The following ARL6IP6 variants were observed in gnomAD, a reference collection of about 807,000 sequenced individuals.
ARL6IP6 encodes the protein ARF like GTPase 6 interacting protein 6, also known as ADP-ribosylation factor-like protein 6-interacting protein 6.
Under a neutral mutation model 21.5 loss-of-function variants are expected in ARL6IP6, and 22 were observed. That is an observed-to-expected ratio of 1.02 (90% CI 0.73 to 1.46). ARL6IP6 has a LOEUF of 1.46. Ranked by LOEUF, ARL6IP6 falls within the 40% of genes most tolerant of loss-of-function variation. ARL6IP6 has a pLI of 0.00. For synonymous variants in ARL6IP6, 164 were observed against 125.3 expected (o/e 1.31, Z -2.06); for missense variants, 388 against 299.8 (o/e 1.29, Z -2.17).
intron 1 of ARL6IP6, 56 bp downstream of exon 1, chr2:152,719,080 G>A (rs1414055698): frequency 4.8e-6 from 7 of 1,457,268 alleles, no homozygotes; most frequent in Non-Finnish European, 6.3e-6. Context: ...CCAGGGTGTG[G>A]CTCTCGTCTC....
chr2:152,720,424 TTG>T (rs1448188990), intron 1 of ARL6IP6, 107 bp from the exon 2 acceptor site: 8 of 1,048,098 alleles, frequency 7.6e-6, no homozygotes, highest in Non-Finnish European at 1.2e-5. Context: ...ACCCAGTTCT[TTG>T]TGACTCCAGA....
chr2:152,726,441 C>A (rs560008945), intron 2 of ARL6IP6, among the ~76,000 whole-genome samples: 3 of 152,040 alleles, frequency 2.0e-5, no homozygotes, highest in Non-Finnish European at 4.4e-5. Flanking sequence ...TTGGCTTTGA[C>A]GTGTAAAGAG....
intron 3 of ARL6IP6, among the ~76,000 whole-genome samples, chr2:152,738,907 G>A (rs1700675171): frequency 6.6e-6 from 1 of 151,934 alleles, no homozygotes; most frequent in Admixed American, 6.6e-5. Flanking sequence ...CAAATTTTCT[G>A]AGCTTTTATG....
intron 3 of ARL6IP6, among the ~76,000 whole-genome samples, chr2:152,742,565 C>T (rs564002996): frequency 7.8e-6 from 1 of 128,920 alleles, no homozygotes; most frequent in South Asian, 2.6e-4. Context: ...GCAAGATACG[C>T]TCTTTAAAAA....
intron 2 of ARL6IP6, among the ~76,000 whole-genome samples, chr2:152,724,462 A>G (rs927065383): frequency 1.3e-5 from 2 of 152,238 alleles, no homozygotes; most frequent in African/African-American, 4.8e-5. Context: ...TATACCATAG[A>G]TAGTCTAGGT....
intron 3 of ARL6IP6, among the ~76,000 whole-genome samples, chr2:152,737,720 G>A (rs1240229539): frequency 6.6e-6 from 1 of 152,086 alleles, no homozygotes; most frequent in Non-Finnish European, 1.5e-5. Context: ...GCAGCATGGG[G>A]GTAACCACCC....
intron 1 of ARL6IP6, among the ~76,000 whole-genome samples, chr2:152,719,439 C>T (rs1034576992): frequency 6.6e-6 from 1 of 152,210 alleles, no homozygotes; most frequent in African/African-American, 2.4e-5. Context: ...AATTCCTCTA[C>T]ACAGAATCTT....
chr2:152,717,718 AGAC>A, upstream of ARL6IP6: 1 of 1,367,910 alleles, frequency 7.3e-7, no homozygotes, highest in Non-Finnish European at 9.5e-7. Flanking sequence ...GGGGAAGGGA[AGAC>A]AACAGTGTCC....
chr2:152,759,458 G>A (rs910357246), intron 3 of ARL6IP6, among the ~76,000 whole-genome samples: 4 of 152,134 alleles, frequency 2.6e-5, no homozygotes, highest in Admixed American at 1.3e-4. Context: ...TACACACAGT[G>A]ACAATGAAAC....
chr2:152,727,711 G>A (rs186956429), intron 2 of ARL6IP6, among the ~76,000 whole-genome samples: 2 of 152,152 alleles, frequency 1.3e-5, no homozygotes, highest in East Asian at 3.9e-4. Context: ...ATTTGGTATA[G>A]TAACATGCCG....
At chr2:152,759,474 AAAG>A (rs1046284616) in intron 3 of ARL6IP6, among the ~76,000 whole-genome samples, 5 of 152,204 alleles carry the variant, frequency 3.3e-5, no homozygotes, top group African/African-American at 1.2e-4. Context: ...GAAACACAGT[AAAG>A]AAATAATAGG....
At chr2:152,723,086 T>G (rs892395702) in intron 2 of ARL6IP6, among the ~76,000 whole-genome samples, 1 of 152,202 alleles carries the variant, frequency 6.6e-6, no homozygotes, top group Non-Finnish European at 1.5e-5. Flanking sequence ...GGTAGGATGG[T>G]TCTCTCAAAC....
At chr2:152,758,787 G>T (rs936050644) in intron 3 of ARL6IP6, among the ~76,000 whole-genome samples, 1 of 152,168 alleles carries the variant, frequency 6.6e-6, no homozygotes, top group African/African-American at 2.4e-5. Flanking sequence ...TGCTCTTCAA[G>T]TGTTAGTTCA....
intron 2 of ARL6IP6, among the ~76,000 whole-genome samples, chr2:152,724,116 A>G (rs1468248252): frequency 2.8e-5 from 4 of 141,948 alleles, no homozygotes; most frequent in Admixed American, 1.4e-4. Context: ...GGCCAAAAAA[A>G]AAAAAAAAAA....
At chr2:152,758,163 C>T (rs1033381551) in intron 3 of ARL6IP6, among the ~76,000 whole-genome samples, 1 of 152,038 alleles carries the variant, frequency 6.6e-6, no homozygotes, top group African/African-American at 2.4e-5. Flanking sequence ...TAAGCATATC[C>T]TCTCATATAC....
In ARL6IP6 at chr2:152,718,851, A is replaced by G. The variant is rs1317892703; in HGVS notation, c.227A>G (p.Asp76Gly). The G allele has an allele frequency of 2.5e-6, 4 of 1,612,682 alleles. No individual in the cohort carries two copies. In the South Asian group the frequency reaches 3.3e-5, roughly 13 times the overall value. Reference sequence around the variant, plus strand: ...AGAAAGCGCTCGGTGCTCCCGCCGGACGGGAACGGGTCGCCCGTTCTGCCC... The same window carrying G: ...AGAAAGCGCTCGGTGCTCCCGCCGGGCGGGAACGGGTCGCCCGTTCTGCCC... ...EPRKRSVLPPDGNGSPVLPDK... is the reference protein window; with the variant it reads ...EPRKRSVLPPGGNGSPVLPDK... The change falls in exon 1 of 4, where the codon GAC becomes GGC. Residue 76 changes from aspartate (D) to glycine (G), a missense_variant. Transcript: ENST00000326446.
intron 3 of ARL6IP6, among the ~76,000 whole-genome samples, chr2:152,750,989 A>T (rs1701301285): frequency 6.6e-6 from 1 of 152,204 alleles, no homozygotes; most frequent in South Asian, 2.1e-4. Context: ...TTTTGAAGTA[A>T]AATGGAAGGT....
In ARL6IP6 at chr2:152,761,194, T is replaced by C. The variant is rs1701828494; in HGVS notation, c.*1354T>C. The C allele has an allele frequency of 6.6e-6, 1 of 152,174 alleles. No homozygotes were observed. The highest frequency in any genetic ancestry group is 1.5e-5 in the Non-Finnish European group (1 of 68,028). The allele number at this position is 152,174 out of a possible 1,614,324, so 9.4% of individuals were successfully genotyped here. A position where few individuals can be genotyped will look rare whatever the true frequency, so the allele number is the denominator to read the frequency against. On this transcript the variant is annotated 3_prime_UTR_variant, in exon 4 of 4. Transcript: ENST00000326446. ...TAAAAGTCTCGCATTTCTTTTACTA[T>C]TCAAAACTCTTTGGTTGGAAATGAC...
chr2:152,731,835 T>G (rs140334544), intron 2 of ARL6IP6, among the ~76,000 whole-genome samples: 1 of 152,152 alleles, frequency 6.6e-6, no homozygotes, highest in Non-Finnish European at 1.5e-5. Context: ...ATATACAACA[T>G]ATGTATATAT....
Sources: allele counts gnomAD v4.1 joint callset (sites outside exome capture counted in the v4.1 genomes callset), GRCh38; gene constraint gnomAD v4.1.1; transcripts MANE v1.5; gene names NCBI Gene and HGNC (gene_info 2026-07-23, HGNC 2026-07-21).